Variants in DIPK2B observed in about 807,000 individuals in gnomAD.
DIPK2B encodes divergent protein kinase domain 2B, also known as UPF0672 protein CXorf36.
DIPK2B carries 15 observed loss-of-function variants against 22.2 expected under a neutral mutation model. That is an observed-to-expected ratio of 0.68 (90% CI 0.45 to 1.04). DIPK2B has a LOEUF of 1.04. Ranked by LOEUF, DIPK2B falls within the 50% of genes least tolerant of loss-of-function variation. DIPK2B has a pLI of 0.00. For missense variants in DIPK2B, 345 were observed against 348.3 expected, an observed-to-expected ratio of 0.99 and a Z score of 0.08; for synonymous variants, 163 against 153.2, an observed-to-expected ratio of 1.06 and a Z score of -0.47.
At chrX:45,173,917 C>CA (rs768893984) in intron 2 of DIPK2B, among the ~76,000 whole-genome samples, 1 of 111,509 alleles carries the variant, frequency 9.0e-6, no homozygotes, top group South Asian at 3.8e-4. Context: ...TCCCCCTCTT[C>CA]ACTGCCCTCA....
At chrX:45,161,593 G>A (rs2047023213) in intron 2 of DIPK2B, among the ~76,000 whole-genome samples, 1 of 112,807 alleles carries the variant, frequency 8.9e-6, no homozygotes, top group South Asian at 3.6e-4. Flanking sequence ...ACTTGGATTT[G>A]TTGTCACATG....
intron 1 of DIPK2B, among the ~76,000 whole-genome samples, chrX:45,199,804 C>T (rs2047257716): frequency 9.0e-6 from 1 of 111,255 alleles, no homozygotes; most frequent in Non-Finnish European, 1.9e-5. Context: ...TTGCTGTCAC[C>T]CCAGTACCTG....
chrX:45,198,245 G>A (rs1350270362), intron 1 of DIPK2B, among the ~76,000 whole-genome samples: 1 of 112,016 alleles, frequency 8.9e-6, no homozygotes, highest in East Asian at 2.8e-4. Flanking sequence ...AGAATTATAT[G>A]TGATTTTATT....
chrX:45,198,717 G>A (rs184815044), intron 1 of DIPK2B, among the ~76,000 whole-genome samples: 132 of 111,356 alleles, frequency 1.2e-3, no homozygotes, highest in African/African-American at 4.2e-3. Flanking sequence ...TAAAAAATAT[G>A]TCTGCCTTCT....
intron 2 of DIPK2B, among the ~76,000 whole-genome samples, chrX:45,184,754 C>T (rs1327026126): frequency 5.4e-5 from 6 of 111,894 alleles, no homozygotes; most frequent in Non-Finnish European, 7.5e-5. Flanking sequence ...TCAACAGCAG[C>T]CTAACAGAAC....
At chrX:45,187,457 G>GGC (rs71673131) in intron 2 of DIPK2B, among the ~76,000 whole-genome samples, 6,579 of 84,171 alleles carry the variant, frequency 0.078, 184 homozygotes, top group Middle Eastern at 0.2. Flanking sequence ...CATGCTCGAG[G>GGC]GCGCGCGCGC....
rs751322092 is a variant in DIPK2B, at chrX:45,171,887, G to GAGATCTT, written c.499-14006_499-14000dup. 2.3e-4 allele frequency among the ~76,000 whole-genome samples: 26 copies of GAGATCTT among 112,667 alleles called. 2 individuals are homozygous for GAGATCTT. In the East Asian group the frequency reaches 7.3e-3, roughly 32 times the overall value. On this transcript the variant is annotated intron_variant, in intron 2 of 4. Transcript: ENST00000398000. ...CAAATAATAGTGGGTGGGTACCTAA[G>GAGATCTT]AGATCTTTAATAAGCAAATCTTGTC...
intron 2 of DIPK2B, chrX:45,163,218 A>T: frequency 4.6e-6 from 1 of 215,132 alleles, no homozygotes; most frequent in Non-Finnish European, 6.8e-6. Flanking sequence ...TCTGCAAACT[A>T]CAGCATCAGC....
chrX:45,185,653 C>CTTTTCT (rs2047178261), intron 2 of DIPK2B, among the ~76,000 whole-genome samples: 1 of 86,461 alleles, frequency 1.2e-5, no homozygotes, highest in African/African-American at 4.6e-5. Context: ...CTTTTCTTTT[C>CTTTTCT]TTTTTTTTTT....
intron 2 of DIPK2B, among the ~76,000 whole-genome samples, chrX:45,175,922 G>C (rs534616938): frequency 3.7e-5 from 4 of 108,043 alleles, no homozygotes; most frequent in African/African-American, 1.3e-4. Context: ...GGGTCACATT[G>C]CTCTTTGAAG....
At chrX:45,157,488 T>A (rs2047000869) in intron 3 of DIPK2B, among the ~76,000 whole-genome samples, 1 of 111,750 alleles carries the variant, frequency 8.9e-6, no homozygotes, top group African/African-American at 3.3e-5. Flanking sequence ...TGGCTACTGT[T>A]CCCTCCTATC....
intron 2 of DIPK2B, among the ~76,000 whole-genome samples, chrX:45,178,794 C>T (rs777831762): frequency 1.8e-5 from 2 of 111,456 alleles, no homozygotes; most frequent in Non-Finnish European, 3.8e-5. Context: ...TATCAGAGAA[C>T]CACATTAAAA....
chrX:45,156,405 C>T (rs1031114576), intron 3 of DIPK2B, among the ~76,000 whole-genome samples: 3 of 112,193 alleles, frequency 2.7e-5, no homozygotes, highest in Non-Finnish European at 5.6e-5. Context: ...GGCTGAGTCC[C>T]AGCCCCATGC....
chrX:45,154,315 CT>C (rs1339800539), intron 3 of DIPK2B, 117 bp from the exon 4 acceptor site: 289 of 585,714 alleles, frequency 4.9e-4, no homozygotes, highest in Non-Finnish European at 6.7e-4. Context: ...ATCTATCTAT[CT>C]ATCTGTCTAT....
intron 2 of DIPK2B, among the ~76,000 whole-genome samples, chrX:45,175,880 T>C (rs991232697): frequency 3.7e-5 from 4 of 107,174 alleles, no homozygotes; most frequent in African/African-American, 1.0e-4. Flanking sequence ...TAAGCATGCA[T>C]TTGAGAAATG....
At chrX:45,195,605 G>A (rs1316386349) in intron 1 of DIPK2B, among the ~76,000 whole-genome samples, 1 of 111,686 alleles carries the variant, frequency 9.0e-6, no homozygotes, top group Non-Finnish European at 1.9e-5. Context: ...AAGCTCTCAG[G>A]CTACAGTTCA....
intron 2 of DIPK2B, among the ~76,000 whole-genome samples, chrX:45,174,646 G>A (rs937402752): frequency 9.1e-6 from 1 of 110,135 alleles, no homozygotes; most frequent in African/African-American, 3.3e-5. Flanking sequence ...GCAAAGGCAA[G>A]GAGCAGAGTT....
intron 2 of DIPK2B, among the ~76,000 whole-genome samples, chrX:45,190,548 C>T (rs1569545465): frequency 8.9e-6 from 1 of 111,767 alleles, no homozygotes; most frequent in Non-Finnish European, 1.9e-5. Flanking sequence ...GCTTCTGGGG[C>T]CAGAGCTTGT....
rs1266321440 is a variant in DIPK2B, at chrX:45,178,180, A to G, written c.498+13571T>C. On this transcript the variant is annotated intron_variant, in intron 2 of 4. Transcript: ENST00000398000. ...CAAGGAAGGCCTCAGTTCCCTTGGT[A>G]TATGCTGGGCTGAAAAACCACAGGA... 7.1e-5 allele frequency among the ~76,000 whole-genome samples: 8 copies of G among 112,273 alleles called. No individual in the cohort carries two copies. The East Asian group carries it at 2.3e-3, about 32-fold the overall frequency.
Sources: gnomAD v4.1 joint callset for allele counts (sites outside exome capture counted in the v4.1 genomes callset) on GRCh38, gnomAD v4.1.1 for gene constraint, MANE v1.5 for transcripts, NCBI Gene and HGNC (gene_info 2026-07-23, HGNC 2026-07-21) for gene names.